The following ST13 variants were observed in gnomAD, a reference collection of about 807,000 sequenced individuals.
ST13 encodes hsc70-interacting protein.
In ST13, 23 loss-of-function variants were observed where a neutral mutation model predicts 56.7. That is an observed-to-expected ratio of 0.41 (90% confidence interval 0.29 to 0.57). The LOEUF is 0.57. Ranked by LOEUF, ST13 falls within the 20% of genes least tolerant of loss-of-function variation. The pLI, the probability that ST13 is intolerant of heterozygous loss-of-function variation, is 0.36. For missense variants in ST13, 369 were observed against 459.9 expected (o/e 0.80, Z 1.81); for synonymous variants, 132 against 142.4 (o/e 0.93, Z 0.52).
At chr22:40,833,350 G>A (rs971392124) in intron 7 of ST13, among the ~76,000 whole-genome samples, 1 of 149,978 alleles carries the variant, frequency 6.7e-6, no homozygotes, top group Non-Finnish European at 1.5e-5. Flanking sequence ...CGGGCAGAAC[G>A]CGAGGTCAGG....
At position 40,856,417 on chromosome 22, in the gene ST13, G is replaced by A. The variant is rs1303132230; in HGVS notation, c.110+14C>T. The stretch of plus-strand genomic sequence containing the variant: ...CTTCCCCCGCCCCCAACGGTCCTCA[G>A]GCCTGGGTCTCACCTCTCCACCCAC... On this transcript the variant is annotated intron_variant, in intron 1 of 11. Transcript: ENST00000216218. 4 of 1,608,922 alleles carry A rather than the reference G, an allele frequency of 2.5e-6. No homozygotes were observed. The highest frequency in any genetic ancestry group is 1.7e-5 in the Admixed American group (1 of 59,980).
At chr22:40,831,000 G>A in intron 8 of ST13, 44 bp from the exon 9 acceptor site, 1 of 1,208,632 alleles carries the variant, frequency 8.3e-7, no homozygotes, top group Non-Finnish European at 1.2e-6. Context: ...TCCAAAAGCT[G>A]AATAACATCA....
chr22:40,840,681 C>T lies in ST13; in HGVS notation c.327G>A (p.Glu109=). ...TTTTATCATTTGCCTGATCCATCAT[C>T]TCCTCCGTTATCTAGGAAGAAAATA... ...MGDENAEITE[E]MMDQANDKKV... is the part of the protein sequence containing the mutation. Residue 109 remains glutamate (E), a synonymous_variant, in exon 5 of 12, where the codon GAG becomes GAA. Transcript: ENST00000216218. The T allele has an allele frequency of 6.2e-7, 1 of 1,610,006 alleles. No individual in the cohort carries two copies.
At chr22:40,839,533 G>C (rs1052313604) in intron 5 of ST13, among the ~76,000 whole-genome samples, 1 of 152,168 alleles carries the variant, frequency 6.6e-6, no homozygotes, top group African/African-American at 2.4e-5. Flanking sequence ...GGGAGGCAGA[G>C]GCGGGCACAT....
chr22:40,855,943 AAAC>A (rs754864938), intron 1 of ST13, among the ~76,000 whole-genome samples: 2 of 150,532 alleles, frequency 1.3e-5, no homozygotes, highest in South Asian at 2.1e-4. Context: ...TGTAAGGTAA[AAAC>A]AATCATTTTT....
At position 40,835,771 on chromosome 22, in the gene ST13, C is replaced by T. The variant is rs2057774232; in HGVS notation, c.467+32G>A. 2.5e-6 allele frequency: 4 copies of T among 1,606,422 alleles called. No homozygotes were observed. The East Asian group carries it at 8.9e-5, about 36-fold the overall frequency. On this transcript the variant is annotated intron_variant, in intron 6 of 11. Transcript: ENST00000216218. The stretch of plus-strand genomic sequence containing the variant: ...TAAACAAATGTGCAGAAATTATTTG[C>T]CAGGGGATGCTTTTCTGTTTAGAGT...
rs1055971882 is a variant in ST13 at position 40,835,739 on chromosome 22, C to T, written c.467+64G>A. The T allele has an allele frequency of 5.0e-6, 8 of 1,595,710 alleles. No individual in the cohort carries two copies. In the African/African-American group the frequency reaches 1.1e-4, roughly 21 times the overall value. On this transcript the variant is annotated intron_variant, in intron 6 of 11. Coordinates refer to ENST00000216218, the MANE Select transcript of ST13 (RefSeq NM_003932.5). ...AGTTTTGGGATCAACACAGAAGCAA[C>T]TCTATTTAAACAAATGTGCAGAAAT...
chr22:40,847,640 A>AT (rs1471465386), intron 3 of ST13, among the ~76,000 whole-genome samples: 2 of 152,144 alleles, frequency 1.3e-5, no homozygotes, highest in African/African-American at 2.4e-5. Flanking sequence ...TACAAACATT[A>AT]TGAAGTCTGA....
intron 3 of ST13, among the ~76,000 whole-genome samples, chr22:40,846,373 A>C (rs1196443257): frequency 6.6e-6 from 1 of 152,216 alleles, no homozygotes; most frequent in East Asian, 1.9e-4. Context: ...CAGTCTCTTA[A>C]CAAATTTCAA....
In ST13 at chr22:40,846,665, C is replaced by T. The variant is rs190537649; in HGVS notation, c.244+1629G>A. 1.4e-4 allele frequency among the ~76,000 whole-genome samples: 22 copies of T among 152,164 alleles called. 1 individual carries two copies. The East Asian group carries it at 1.9e-3, about 13-fold the overall frequency. ...TTCAATTTAGCACTCAAACAACTGC[C>T]AGTAGAATGTAAGACCTCTAATGAT... On this transcript the variant is annotated intron_variant, in intron 3 of 11. Transcript: ENST00000216218.
rs919073390 is a variant in ST13, at chr22:40,824,701, T to A, written c.*1837A>T. 1 of 152,212 alleles carries A rather than the reference T, an allele frequency of 6.6e-6. No homozygotes were observed. The highest frequency in any genetic ancestry group is 2.4e-5 in the African/African-American group (1 of 41,460). The allele number at this position is 152,212 out of a possible 1,614,324, so 9.4% of individuals were successfully genotyped here. The stretch of plus-strand genomic sequence containing the variant: ...TAAGGAATCCAGAAGAAACTGTTCT[T>A]GAGTTAAGCCAAGTACACACTGGCA... On this transcript the variant is annotated 3_prime_UTR_variant, in exon 12 of 12. Coordinates refer to ENST00000216218, the MANE Select transcript of ST13 (RefSeq NM_003932.5).
At chr22:40,856,286 A>C (rs2057894515) in intron 1 of ST13, 145 bp downstream of exon 1, 1 of 703,202 alleles carries the variant, frequency 1.4e-6, no homozygotes, top group Admixed American at 2.4e-5. Context: ...GCGATCTTCC[A>C]TGACCCCTCG....
At chr22:40,848,243 A>AT (rs1372793951) in intron 3 of ST13, 51 bp downstream of exon 3, 11 of 1,325,066 alleles carry the variant, frequency 8.3e-6, no homozygotes, top group Non-Finnish European at 1.2e-5. Context: ...AAAAATCAAC[A>AT]AAGTATCACA....
chr22:40,840,833 TATG>T (rs2057800884), intron 4 of ST13, 141 bp from the exon 5 acceptor site: 4 of 666,742 alleles, frequency 6.0e-6, no homozygotes, highest in Admixed American at 6.3e-5. Flanking sequence ...AAGAGACAAT[TATG>T]ATAACTCATT....
At chr22:40,839,664 C>T (rs937629737) in intron 5 of ST13, among the ~76,000 whole-genome samples, 5 of 151,912 alleles carry the variant, frequency 3.3e-5, no homozygotes, top group Admixed American at 6.6e-5. Flanking sequence ...ACTAGGGAGG[C>T]TGAGGCAGGA....
intron 1 of ST13, among the ~76,000 whole-genome samples, chr22:40,855,872 C>CTGG (rs201668555): frequency 0.029 from 4,422 of 152,186 alleles, 199 homozygotes; most frequent in African/African-American, 0.1. Context: ...ATAACACTGC[C>CTGG]AAGTAACGGA....
intron 5 of ST13, among the ~76,000 whole-genome samples, chr22:40,836,530 T>A (rs2145737596): frequency 6.6e-6 from 1 of 152,312 alleles, no homozygotes; most frequent in Admixed American, 6.5e-5. Flanking sequence ...TCCATTGATT[T>A]TCTTTTATCC....
At chr22:40,850,970 A>G (rs2145750805) in intron 1 of ST13, 90 bp from the exon 2 acceptor site, 1 of 853,998 alleles carries the variant, frequency 1.2e-6, no homozygotes, top group Non-Finnish European at 1.8e-6. Flanking sequence ...AACGTTAGAC[A>G]TTTAGATGAC....
At chr22:40,847,462 T>C (rs571503934) in intron 3 of ST13, among the ~76,000 whole-genome samples, 6 of 151,428 alleles carry the variant, frequency 4.0e-5, no homozygotes, top group South Asian at 4.2e-4. Context: ...GGCATGAGAA[T>C]TGATTGAACC....
Sources: gnomAD v4.1 joint callset for allele counts (sites outside exome capture counted in the v4.1 genomes callset) on GRCh38, gnomAD v4.1.1 for gene constraint, MANE v1.5 for transcripts, NCBI Gene and HGNC (gene_info 2026-07-23, HGNC 2026-07-21) for gene names.